The following DLGAP1 variants were observed in gnomAD, a reference collection of about 807,000 sequenced individuals.
DLGAP1 encodes the protein DLG associated protein 1, also known as disks large-associated protein 1.
In DLGAP1, 11 loss-of-function variants were observed where a neutral mutation model predicts 90.8. The ratio of observed to expected loss-of-function variants is 0.12; its 90% CI spans 0.08 to 0.20. DLGAP1 has a LOEUF of 0.20. Among genes scored for constraint, DLGAP1 ranks in the 10% least tolerant of loss-of-function variants. DLGAP1 has a pLI of 1.00. For missense variants in DLGAP1, 1,050 were observed against 1,333.8 expected (o/e 0.79, Z 3.31); for synonymous variants, 558 against 540.7 (o/e 1.03, Z -0.44).
intron 2 of DLGAP1, among the ~76,000 whole-genome samples, chr18:4,114,375 T>C (rs1404211285): frequency 6.6e-6 from 1 of 152,092 alleles, no homozygotes. Context: ...GTGACAATTG[T>C]AAATGGGATT....
At chr18:3,667,506 A>G (rs2059926343) in intron 7 of DLGAP1, among the ~76,000 whole-genome samples, 1 of 152,138 alleles carries the variant, frequency 6.6e-6, no homozygotes, top group Admixed American at 6.5e-5. Context: ...GAACTATGTG[A>G]GTTTTCCACT....
rs1211785317 is a variant in DLGAP1, at chr18:3,499,668, CCCTGCGGAAAG to C, written c.2725-285_2725-275del. On this transcript the variant is annotated intron_variant, in intron 12 of 12. Transcript: ENST00000315677. This position sits in a 1 kb window ranked among gnomAD's most constrained non-coding sequence, Gnocchi z 6.4. ...GAAGGAAGTGGGTATTTTAAAGGCC[CCCTGCGGAAAG>C]CCTGCGGCTCCCAGCACATTGAGTG... is the stretch of plus-strand genomic sequence containing the variant. 5.9e-5 allele frequency among the ~76,000 whole-genome samples: 9 copies of C among 152,076 alleles called. No individual in the cohort carries two copies. Among genetic ancestry groups the C allele is most frequent in the African/African-American group, 2.2e-4 (9 of 41,408 alleles).
chr18:3,994,653 A>G (rs2074032607), intron 3 of DLGAP1, among the ~76,000 whole-genome samples: 1 of 152,254 alleles, frequency 6.6e-6, no homozygotes, highest in Non-Finnish European at 1.5e-5. Context: ...AATTCCAGGT[A>G]CAAAAGATCT....
At chr18:3,501,419 T>C (rs567556057) in intron 12 of DLGAP1, among the ~76,000 whole-genome samples, 82 of 152,154 alleles carry the variant, frequency 5.4e-4, no homozygotes, top group Non-Finnish European at 1.0e-3. Flanking sequence ...CACATGTACA[T>C]CAACAGTACT....
intron 1 of DLGAP1, among the ~76,000 whole-genome samples, chr18:4,404,454 A>G (rs2082621071): frequency 1.3e-5 from 2 of 152,200 alleles, no homozygotes; most frequent in Non-Finnish European, 2.9e-5. Flanking sequence ...TAAAGCTTAA[A>G]CAACAACAAA....
chr18:3,723,045 G>A (rs2062033421), intron 7 of DLGAP1, among the ~76,000 whole-genome samples: 1 of 152,156 alleles, frequency 6.6e-6, no homozygotes, highest in Non-Finnish European at 1.5e-5. Context: ...CCTTTGAATG[G>A]GTTTGATGAA....
chr18:4,304,013 C>T (rs2080190014), intron 1 of DLGAP1, among the ~76,000 whole-genome samples: 1 of 152,116 alleles, frequency 6.6e-6, no homozygotes, highest in Admixed American at 6.5e-5. Context: ...TAACTATTTC[C>T]CAATTGAGGA....
At chr18:3,811,542 T>C (rs1233432881) in intron 5 of DLGAP1, among the ~76,000 whole-genome samples, 11 of 152,192 alleles carry the variant, frequency 7.2e-5, no homozygotes, top group African/African-American at 2.7e-4. Context: ...TGTCCATTTA[T>C]CACCACTTTG....
chr18:3,695,738 A>C (rs2061069237), intron 7 of DLGAP1, among the ~76,000 whole-genome samples: 3 of 152,244 alleles, frequency 2.0e-5, no homozygotes, highest in African/African-American at 7.2e-5. Flanking sequence ...AATTCTGTGA[A>C]GAAAGTCAGT....
chr18:4,368,057 T>G lies in DLGAP1; in HGVS notation c.-267+86949A>C, dbSNP rs532734115. ...CACACATTTTTAATGACCTTCAAAA[T>G]GATGGGCAACACATTAGACTATATT... On this transcript the variant is annotated intron_variant, in intron 1 of 12. Coordinates refer to ENST00000315677, the MANE Select transcript of DLGAP1 (RefSeq NM_004746.4). Among the ~76,000 whole-genome samples the G allele has an allele frequency of 6.9e-4, 105 of 152,190 alleles. 2 individuals are homozygous for G. The South Asian group carries it at 0.02, about 28-fold the overall frequency.
intron 6 of DLGAP1, among the ~76,000 whole-genome samples, chr18:3,741,326 A>G (rs918412994): frequency 8.6e-6 from 1 of 116,170 alleles, no homozygotes; most frequent in Non-Finnish European, 1.8e-5. Context: ...CACCACCACC[A>G]CCATCACCAC....
intron 7 of DLGAP1, among the ~76,000 whole-genome samples, chr18:3,640,533 G>C (rs1252325586): frequency 6.6e-6 from 1 of 152,236 alleles, no homozygotes; most frequent in Non-Finnish European, 1.5e-5. Flanking sequence ...GAGAAACCAA[G>C]CACGTGGAGA....
At chr18:4,305,388 G>T (rs2080225394) in intron 1 of DLGAP1, among the ~76,000 whole-genome samples, 1 of 151,932 alleles carries the variant, frequency 6.6e-6, no homozygotes, top group Non-Finnish European at 1.5e-5. Flanking sequence ...TACAAAATTA[G>T]CTGGGTGTGG....
intron 2 of DLGAP1, among the ~76,000 whole-genome samples, chr18:4,044,159 T>C (rs2075015366): frequency 6.6e-6 from 1 of 152,186 alleles, no homozygotes; most frequent in Non-Finnish European, 1.5e-5. Flanking sequence ...TATTAATATT[T>C]CCTTTACAGT....
chr18:3,790,233 CA>C (rs2065664910), intron 5 of DLGAP1, among the ~76,000 whole-genome samples: 1 of 151,762 alleles, frequency 6.6e-6, no homozygotes, highest in African/African-American at 2.4e-5. Context: ...TGGACAGTTT[CA>C]AAATCTTCCT....
chr18:3,696,351 A>T (rs2061091026), intron 7 of DLGAP1, among the ~76,000 whole-genome samples: 1 of 152,124 alleles, frequency 6.6e-6, no homozygotes, highest in African/African-American at 2.4e-5. Context: ...AATAGCTCTT[A>T]TTATTTTGAG....
At chr18:4,199,537 T>C (rs1440605659) in intron 1 of DLGAP1, among the ~76,000 whole-genome samples, 1 of 152,224 alleles carries the variant, frequency 6.6e-6, no homozygotes, top group Non-Finnish European at 1.5e-5. Context: ...TTGTCATCCA[T>C]GTTAATATCT....
intron 2 of DLGAP1, among the ~76,000 whole-genome samples, chr18:4,082,701 C>T (rs1344244592): frequency 6.6e-6 from 1 of 151,262 alleles, no homozygotes; most frequent in Non-Finnish European, 1.5e-5. Context: ...TCCTTTGGCC[C>T]CTACACTCCA....
intron 7 of DLGAP1, among the ~76,000 whole-genome samples, chr18:3,713,254 C>T (rs981837096): frequency 1.3e-5 from 2 of 152,234 alleles, no homozygotes; most frequent in Non-Finnish European, 2.9e-5. Flanking sequence ...ATTGGACTCC[C>T]AGTTGCCTTT....
Sources: gnomAD v4.1 joint callset for allele counts (sites outside exome capture counted in the v4.1 genomes callset) on GRCh38, gnomAD v4.1.1 for gene constraint, Gnocchi (gnomAD v3.1) non-coding constraint, MANE v1.5 for transcripts, NCBI Gene and HGNC (gene_info 2026-07-23, HGNC 2026-07-21) for gene names.